Variants in ZBTB8OS observed in about 807,000 individuals in gnomAD.
ZBTB8OS encodes tRNA-splicing ligase-activating factor archease.
In ZBTB8OS, 16 loss-of-function variants were observed where a neutral mutation model predicts 29.3. The ratio of observed to expected loss-of-function variants is 0.55; its 90% CI spans 0.37 to 0.83. The LOEUF is 0.83. ZBTB8OS is among the 40% of genes least tolerant of loss of function. The pLI is 0.00. For missense variants in ZBTB8OS, 160 were observed against 196.9 expected (o/e 0.81, Z 1.12); for synonymous variants, 70 against 64.6 (o/e 1.08, Z -0.40).
At chr1:32,642,500 T>C (rs1646488934) in intron 1 of ZBTB8OS, among the ~76,000 whole-genome samples, 1 of 148,776 alleles carries the variant, frequency 6.7e-6, no homozygotes, top group African/African-American at 2.5e-5. Flanking sequence ...CGAGACTCTG[T>C]CTCAAAAAAA....
chr1:32,645,105 G>T (rs1410675981), intron 1 of ZBTB8OS, among the ~76,000 whole-genome samples: 1 of 152,052 alleles, frequency 6.6e-6, no homozygotes, highest in Admixed American at 6.6e-5. Context: ...TTTGCACCTG[G>T]GAGGAGGAGG....
intron 1 of ZBTB8OS, among the ~76,000 whole-genome samples, chr1:32,646,729 T>C (rs568722950): frequency 6.6e-6 from 1 of 151,730 alleles, no homozygotes; most frequent in South Asian, 2.1e-4. Flanking sequence ...TGACTTCTTA[T>C]CTTAGAAGCC....
chr1:32,641,364 A>G (rs1646392839), intron 1 of ZBTB8OS, among the ~76,000 whole-genome samples: 1 of 139,112 alleles, frequency 7.2e-6, no homozygotes, highest in Non-Finnish European at 1.5e-5. Context: ...ACATCTGCCT[A>G]CTGGGTTCAA....
chr1:32,639,579 G>C (rs1037633709), intron 1 of ZBTB8OS, among the ~76,000 whole-genome samples: 2 of 152,058 alleles, frequency 1.3e-5, no homozygotes, highest in African/African-American at 4.8e-5. Context: ...GGACAACATA[G>C]TGTGACTCCA....
chr1:32,644,859 C>T (rs411942), intron 1 of ZBTB8OS, among the ~76,000 whole-genome samples: 125,738 of 151,748 alleles, frequency 0.83, 54,583 homozygotes, highest in Non-Finnish European at 0.96. Flanking sequence ...AATTTACTAC[C>T]ACGCACTTAA....
At chr1:32,649,157 G>A (rs984805367) in intron 1 of ZBTB8OS, among the ~76,000 whole-genome samples, 3 of 150,954 alleles carry the variant, frequency 2.0e-5, no homozygotes, top group Non-Finnish European at 2.9e-5. Flanking sequence ...TAGTAGAGAC[G>A]GGGTTTCACC....
Position 32,627,527 on chromosome 1 carries a change from G to A in ZBTB8OS, c.398C>T (p.Ser133Leu), listed in dbSNP as rs767914648. The A allele has an allele frequency of 6.8e-6, 11 of 1,613,660 alleles. No individual in the cohort carries two copies. In the Admixed American group the frequency reaches 1.8e-4, roughly 27 times the overall value. The change falls in exon 6 of 7, where the codon TCA (serine) becomes TTA (leucine). Residue 133 changes from serine (S) to leucine (L), a missense_variant. Physicochemically the swap from Ser to Leu is moderately radical, Grantham distance 145 (BLOSUM62 -2). Transcript: ENST00000468695. ...LRSIGWGEEF[S>L]LSKHPQGTEV... The stretch of plus-strand genomic sequence containing the variant: ...ACATACCTGAGGGTGCTTGGACAAT[G>A]AAAATTCTTCTCCCCACCTTGAGAA...
upstream of ZBTB8OS, chr1:32,650,691 T>C: frequency 7.7e-7 from 1 of 1,297,238 alleles, no homozygotes; most frequent in East Asian, 2.4e-5. Flanking sequence ...ACCCTGCCGC[T>C]TGGATCGCAT....
At chr1:32,630,821 G>C (rs569983213) in intron 5 of ZBTB8OS, among the ~76,000 whole-genome samples, 1 of 151,902 alleles carries the variant, frequency 6.6e-6, no homozygotes, top group East Asian at 1.9e-4. Context: ...AGACCAGCCT[G>C]GCCAACACAG....
intron 1 of ZBTB8OS, among the ~76,000 whole-genome samples, chr1:32,642,502 T>TC (rs1434281239): frequency 1.4e-5 from 2 of 146,612 alleles, no homozygotes; most frequent in Non-Finnish European, 3.0e-5. Context: ...AGACTCTGTC[T>TC]CAAAAAAAAA....
chr1:32,647,282 A>G (rs1479808459), intron 1 of ZBTB8OS, among the ~76,000 whole-genome samples: 1 of 147,320 alleles, frequency 6.8e-6, no homozygotes, highest in Non-Finnish European at 1.5e-5. Flanking sequence ...AAAAAAAAAA[A>G]AAAAATTAGC....
intron 5 of ZBTB8OS, among the ~76,000 whole-genome samples, chr1:32,630,599 G>A (rs116031936): frequency 2.5e-3 from 371 of 150,892 alleles, no homozygotes; most frequent in African/African-American, 8.3e-3. Context: ...AAATGGAGCC[G>A]GGCGTGGTGG....
At chr1:32,645,673 T>G (rs1646776836) in intron 1 of ZBTB8OS, among the ~76,000 whole-genome samples, 1 of 151,832 alleles carries the variant, frequency 6.6e-6, no homozygotes, top group Non-Finnish European at 1.5e-5. Context: ...CAGGATAGAG[T>G]GCAGTGGTAC....
chr1:32,650,727 C>A (rs1404495274), upstream of ZBTB8OS: 1 of 874,376 alleles, frequency 1.1e-6, no homozygotes, highest in Non-Finnish European at 1.7e-6. Context: ...ACCCCATCTT[C>A]TGCGATTCCT....
At chr1:32,635,727 C>A (rs1462581566) in intron 1 of ZBTB8OS, among the ~76,000 whole-genome samples, 2 of 152,130 alleles carry the variant, frequency 1.3e-5, no homozygotes, top group African/African-American at 4.8e-5. Context: ...AGAAATCGGA[C>A]CTAACTGACT....
intron 6 of ZBTB8OS, among the ~76,000 whole-genome samples, chr1:32,626,720 T>G (rs926150985): frequency 4.6e-5 from 7 of 152,108 alleles, no homozygotes; most frequent in Non-Finnish European, 8.8e-5. Flanking sequence ...AGCTAATTTT[T>G]GTATTTTTAG....
chr1:32,634,536 T>C, intron 2 of ZBTB8OS: 1 of 567,926 alleles, frequency 1.8e-6, no homozygotes, highest in Non-Finnish European at 3.1e-6. Flanking sequence ...TTATTTTTAT[T>C]TTTTATTTTT....
intron 2 of ZBTB8OS, 108 bp from the exon 3 acceptor site, chr1:32,634,180 GC>G (rs1645783134): frequency 7.8e-6 from 8 of 1,022,004 alleles, no homozygotes; most frequent in Non-Finnish European, 8.0e-6. Flanking sequence ...AAATTTTAAG[GC>G]CTCAATCAAT....
chr1:32,646,524 A>C (rs941523671), intron 1 of ZBTB8OS, among the ~76,000 whole-genome samples: 13 of 151,230 alleles, frequency 8.6e-5, no homozygotes, highest in African/African-American at 3.2e-4. Context: ...AGTAGCTGGG[A>C]CTACAGGCGC....
Sources: allele counts gnomAD v4.1 joint callset (sites outside exome capture counted in the v4.1 genomes callset), GRCh38; gene constraint gnomAD v4.1.1; transcripts MANE v1.5; gene names NCBI Gene and HGNC (gene_info 2026-07-23, HGNC 2026-07-21).